SHISA9: variants seen among roughly 807,000 people sequenced by gnomAD.
SHISA9 encodes shisa family member 9, also known as protein shisa-9.
SHISA9 carries 13 observed loss-of-function variants against 38.0 expected under a neutral mutation model. That is an observed-to-expected ratio of 0.34 (90% confidence interval 0.22 to 0.54). The LOEUF is 0.54. Among genes scored for constraint, SHISA9 ranks in the 20% least tolerant of loss-of-function variants. The pLI is 0.91. For synonymous variants in SHISA9, 275 were observed against 242.0 expected, an observed-to-expected ratio of 1.14 and a Z score of -1.27; for missense variants, 538 against 575.8, an observed-to-expected ratio of 0.93 and a Z score of 0.67.
chr16:13,063,029 C>T (rs570669769), intron 2 of SHISA9, among the ~76,000 whole-genome samples: 9 of 151,966 alleles, frequency 5.9e-5, no homozygotes, highest in Admixed American at 3.3e-4. Context: ...TTTTTTGAGA[C>T]GGAGTCTTGC....
the SHISA9 span, among the ~76,000 whole-genome samples, chr16:13,391,098 G>A: frequency 6.6e-6 from 1 of 152,136 alleles, no homozygotes; most frequent in Non-Finnish European, 1.5e-5. Context: ...TGATAAGAGT[G>A]ACAGTAAGAG....
the SHISA9 span, among the ~76,000 whole-genome samples, chr16:13,532,745 A>G: frequency 8.2e-3 from 1,242 of 152,220 alleles, 16 homozygotes; most frequent in Non-Finnish European, 0.012. Flanking sequence ...GGCCATGCCA[A>G]ACCTTCACCA....
the SHISA9 span, among the ~76,000 whole-genome samples, chr16:13,469,976 A>T: frequency 2.0e-5 from 3 of 152,112 alleles, no homozygotes; most frequent in African/African-American, 7.2e-5. Flanking sequence ...GCTATTGAAC[A>T]TCTCCTTCTT....
chr16:13,525,235 A>G, the SHISA9 span, among the ~76,000 whole-genome samples: 1 of 152,126 alleles, frequency 6.6e-6, no homozygotes, highest in African/African-American at 2.4e-5. Context: ...CCATTTTGTT[A>G]TGTCGTCAGA....
chr16:13,056,079 C>T (rs1050728908), intron 2 of SHISA9, among the ~76,000 whole-genome samples: 14 of 152,178 alleles, frequency 9.2e-5, no homozygotes, highest in African/African-American at 3.4e-4. Context: ...GCATGGACCT[C>T]TGAGGGCACA....
the SHISA9 span, among the ~76,000 whole-genome samples, chr16:13,271,562 A>G: frequency 6.6e-6 from 1 of 152,178 alleles, no homozygotes; most frequent in Non-Finnish European, 1.5e-5. Flanking sequence ...CATAAAAAGA[A>G]ACTATTGACA....
intron 4 of SHISA9, among the ~76,000 whole-genome samples, chr16:13,221,080 G>A (rs1397633331): frequency 1.3e-5 from 2 of 152,100 alleles, no homozygotes; most frequent in Non-Finnish European, 2.9e-5. Context: ...AGCCTTCAGG[G>A]TTAAGACTAA....
rs942390468 is a variant in SHISA9 at position 12,916,592 on chromosome 16, C to T, written c.564-96C>T. The T allele has an allele frequency of 1.0e-5, 14 of 1,391,696 alleles. No homozygotes were observed. The African/African-American group carries it at 2.1e-4, about 20-fold the overall frequency. The allele number at this position is 1,391,696 out of a possible 1,614,324, so 86.2% of individuals were successfully genotyped here. On this transcript the variant is annotated intron_variant, in intron 1 of 4. Transcript: ENST00000558583. ...AGAATGGTGGCTCCATGGAGTAATC[C>T]GCCTTGCCATTTGTTCGCGACTGCA...
intron 2 of SHISA9, among the ~76,000 whole-genome samples, chr16:13,128,684 T>C (rs2050281711): frequency 1.3e-5 from 2 of 152,286 alleles, no homozygotes; most frequent in Middle Eastern, 3.4e-3. Flanking sequence ...TCTATGACTT[T>C]GTGAGTCTAG....
chr16:12,928,503 C>A (rs530669866), intron 2 of SHISA9, among the ~76,000 whole-genome samples: 1 of 152,300 alleles, frequency 6.6e-6, no homozygotes, highest in African/African-American at 2.4e-5. Flanking sequence ...ATTTAGGACA[C>A]AATTACTGAT....
intron 2 of SHISA9, among the ~76,000 whole-genome samples, chr16:12,963,468 C>T (rs565533989): frequency 6.6e-6 from 1 of 152,200 alleles, no homozygotes; most frequent in South Asian, 2.1e-4. Flanking sequence ...ATGAGGGAGA[C>T]CATATGGCTG....
the SHISA9 span, among the ~76,000 whole-genome samples, chr16:13,254,553 A>T: frequency 6.6e-6 from 1 of 152,252 alleles, no homozygotes; most frequent in African/African-American, 2.4e-5. Flanking sequence ...CTGATTGCTT[A>T]TTCATTATTC....
the SHISA9 span, among the ~76,000 whole-genome samples, chr16:13,309,642 CAAA>C: frequency 1.2e-4 from 8 of 65,874 alleles, no homozygotes; most frequent in African/African-American, 6.3e-5. Flanking sequence ...GACTCAGTCT[CAAA>C]AAAAAAAAAA....
intron 3 of SHISA9, among the ~76,000 whole-genome samples, chr16:13,206,664 A>G (rs2051067809): frequency 6.6e-6 from 1 of 152,238 alleles, no homozygotes; most frequent in East Asian, 1.9e-4. Flanking sequence ...TATAATACCA[A>G]GGACACAGGA....
At chr16:12,907,362 C>A (rs913939738) in intron 1 of SHISA9, among the ~76,000 whole-genome samples, 6 of 142,472 alleles carry the variant, frequency 4.2e-5, no homozygotes, top group African/African-American at 1.6e-4. Context: ...CTCTTCTCAT[C>A]TTCTTCCCTT....
chr16:13,163,427 G>A (rs1011575366), intron 2 of SHISA9, among the ~76,000 whole-genome samples: 1 of 152,080 alleles, frequency 6.6e-6, no homozygotes, highest in African/African-American at 2.4e-5. Flanking sequence ...ACAAAAAAGT[G>A]TGCTTGAATT....
At chr16:13,312,820 A>G in the SHISA9 span, among the ~76,000 whole-genome samples, 1 of 152,198 alleles carries the variant, frequency 6.6e-6, no homozygotes, top group Non-Finnish European at 1.5e-5. Flanking sequence ...ATCAACTTCT[A>G]GAGAAAGCAC....
At chr16:13,538,415 C>A in the SHISA9 span, among the ~76,000 whole-genome samples, 1 of 152,170 alleles carries the variant, frequency 6.6e-6, no homozygotes, top group African/African-American at 2.4e-5. Flanking sequence ...TTGAAGTAGA[C>A]AATCTCTTCA....
the SHISA9 span, among the ~76,000 whole-genome samples, chr16:13,484,096 C>G: frequency 6.6e-6 from 1 of 152,062 alleles, no homozygotes; most frequent in Non-Finnish European, 1.5e-5. Flanking sequence ...GATGCTATCT[C>G]CAGGCAGATA....
Sources: gnomAD v4.1 joint callset for allele counts (sites outside exome capture counted in the v4.1 genomes callset) on GRCh38, gnomAD v4.1.1 for gene constraint, MANE v1.5 for transcripts, NCBI Gene and HGNC (gene_info 2026-07-23, HGNC 2026-07-21) for gene names.